The following CPEB3 variants were observed in gnomAD, a reference collection of about 807,000 sequenced individuals.
CPEB3 encodes the protein cytoplasmic polyadenylation element-binding protein 3.
In CPEB3, 20 loss-of-function variants were observed where a neutral mutation model predicts 67.2. The ratio of observed to expected loss-of-function variants is 0.30; its 90% CI spans 0.21 to 0.43. CPEB3 has a LOEUF of 0.43. Ranked by LOEUF, CPEB3 falls within the 20% of genes least tolerant of loss-of-function variation. The pLI, the probability that CPEB3 is intolerant of heterozygous loss-of-function variation, is 1.00. For synonymous variants in CPEB3, 376 were observed against 393.1 expected (o/e 0.96, Z 0.51); for missense variants, 746 against 968.6 (o/e 0.77, Z 3.05).
intron 4 of CPEB3, among the ~76,000 whole-genome samples, chr10:92,161,573 G>A (rs1055761883): frequency 2.6e-4 from 40 of 151,834 alleles, no homozygotes; most frequent in African/African-American, 9.7e-4. Context: ...GCGCCCAGTG[G>A]CTTAGATTTG....
At chr10:92,151,091 A>G (rs1846946335) in intron 4 of CPEB3, among the ~76,000 whole-genome samples, 1 of 152,234 alleles carries the variant, frequency 6.6e-6, no homozygotes, top group Non-Finnish European at 1.5e-5. Context: ...AGTGCCAAAT[A>G]GAAGACTTGC....
At chr10:92,213,843 A>T (rs1206618820) in intron 2 of CPEB3, among the ~76,000 whole-genome samples, 1 of 152,096 alleles carries the variant, frequency 6.6e-6, no homozygotes, top group Non-Finnish European at 1.5e-5. Flanking sequence ...AAGTCCACCA[A>T]ATCTCCCCAG....
chr10:92,189,513 G>A (rs912947307), intron 3 of CPEB3, among the ~76,000 whole-genome samples: 10 of 152,106 alleles, frequency 6.6e-5, no homozygotes, highest in African/African-American at 2.4e-4. Flanking sequence ...GCTTTGAAGA[G>A]GTTAATTTAT....
chr10:92,145,919 G>C (rs527546257), intron 4 of CPEB3, among the ~76,000 whole-genome samples: 2 of 152,188 alleles, frequency 1.3e-5, no homozygotes, highest in South Asian at 4.1e-4. Flanking sequence ...TCTAATAGTG[G>C]AACTAAAGAT....
intron 4 of CPEB3, among the ~76,000 whole-genome samples, chr10:92,151,764 CCTT>C (rs1465309000): frequency 6.6e-6 from 1 of 152,192 alleles, no homozygotes; most frequent in Non-Finnish European, 1.5e-5. Flanking sequence ...TTTGAGTCTT[CCTT>C]CTTATTTACC....
chr10:92,071,956 C>T (rs573907778), intron 9 of CPEB3, among the ~76,000 whole-genome samples: 64 of 152,204 alleles, frequency 4.2e-4, no homozygotes, highest in Non-Finnish European at 7.5e-4. Flanking sequence ...ACCACTAGAA[C>T]AGAAAGAATG....
chr10:92,280,489 G>C (rs151295578), intron 1 of CPEB3, among the ~76,000 whole-genome samples: 6 of 151,154 alleles, frequency 4.0e-5, no homozygotes, highest in African/African-American at 7.3e-5. Flanking sequence ...GGGAGGCTGA[G>C]GCAGGTAGAA....
intron 1 of CPEB3, among the ~76,000 whole-genome samples, chr10:92,290,143 C>G (rs1220637763): frequency 6.6e-6 from 1 of 151,920 alleles, no homozygotes; most frequent in East Asian, 1.9e-4. Context: ...TTTAAAAAAT[C>G]AAACACCTTG....
chr10:92,285,347 T>C (rs1038185883), intron 1 of CPEB3, among the ~76,000 whole-genome samples: 4 of 152,246 alleles, frequency 2.6e-5, no homozygotes, highest in Admixed American at 6.5e-5. Context: ...CTCAGCTCAC[T>C]GCAACCTCCG....
intron 1 of CPEB3, among the ~76,000 whole-genome samples, chr10:92,253,009 C>CAACTTAAAGTTATAATAAAACT (rs1852364354): frequency 6.6e-6 from 1 of 151,916 alleles, no homozygotes; most frequent in Non-Finnish European, 1.5e-5. Flanking sequence ...CTGCAACCTC[C>CAACTTAAAGTTATAATAAAACT]AACTTAAAGT....
intron 2 of CPEB3, among the ~76,000 whole-genome samples, chr10:92,223,826 G>A (rs1361654777): frequency 2.7e-5 from 4 of 150,058 alleles, no homozygotes; most frequent in Non-Finnish European, 5.9e-5. Flanking sequence ...TCGGCTCACT[G>A]CAACCTCCAA....
chr10:92,159,753 T>C (rs938243731), intron 4 of CPEB3, among the ~76,000 whole-genome samples: 12 of 152,172 alleles, frequency 7.9e-5, no homozygotes, highest in Non-Finnish European at 1.6e-4. Context: ...TTCAGCCGGA[T>C]AGTTGAAATA....
chr10:92,276,282 T>C (rs1335969434), intron 1 of CPEB3, among the ~76,000 whole-genome samples: 8 of 146,648 alleles, frequency 5.5e-5, no homozygotes, highest in African/African-American at 7.6e-5. Context: ...CTTTTCTTTT[T>C]TTTTTTTTTT....
At chr10:92,148,363 A>G (rs1846792934) in intron 4 of CPEB3, among the ~76,000 whole-genome samples, 1 of 151,820 alleles carries the variant, frequency 6.6e-6, no homozygotes, top group African/African-American at 2.4e-5. Context: ...ACCCTTTTCA[A>G]CTCTCCAATT....
At chr10:92,198,475 C>T (rs1016144297) in intron 2 of CPEB3, among the ~76,000 whole-genome samples, 1 of 152,178 alleles carries the variant, frequency 6.6e-6, no homozygotes, top group South Asian at 2.1e-4. Flanking sequence ...CCTCTAACAG[C>T]CCTAACCCAT....
chr10:92,209,928 C>T (rs1171466246), intron 2 of CPEB3, among the ~76,000 whole-genome samples: 4 of 120,758 alleles, frequency 3.3e-5, no homozygotes, highest in African/African-American at 1.2e-4. Context: ...GGCGACAGAG[C>T]TAGGCTCTGT....
At chr10:92,111,236 A>C (rs1427305347) in intron 6 of CPEB3, 42 bp from the exon 7 acceptor site, 2 of 1,240,496 alleles carry the variant, frequency 1.6e-6, no homozygotes, top group South Asian at 2.4e-5. Context: ...AAGAATCAGT[A>C]CATTAAACTC....
chr10:92,141,518 T>A (rs1846420688), intron 6 of CPEB3, among the ~76,000 whole-genome samples: 1 of 151,814 alleles, frequency 6.6e-6, no homozygotes, highest in Non-Finnish European at 1.5e-5. Context: ...CATTAGGAGA[T>A]ATACCTATTG....
intron 7 of CPEB3, among the ~76,000 whole-genome samples, chr10:92,104,671 G>A (rs1844355166): frequency 6.6e-6 from 1 of 151,810 alleles, no homozygotes; most frequent in African/African-American, 2.4e-5. Flanking sequence ...TAGTCGTGAG[G>A]CACCACGCCC....
Sources: gnomAD v4.1 joint callset for allele counts (sites outside exome capture counted in the v4.1 genomes callset) on GRCh38, gnomAD v4.1.1 for gene constraint, MANE v1.5 for transcripts, NCBI Gene and HGNC (gene_info 2026-07-23, HGNC 2026-07-21) for gene names.